Variants in RYR2 observed in about 807,000 individuals in gnomAD.
RYR2 encodes the protein ryanodine receptor 2.
In RYR2, 227 loss-of-function variants were observed where a neutral mutation model predicts 601.1. The ratio of observed to expected loss-of-function variants is 0.38; its 90% CI spans 0.34 to 0.42. RYR2 has a LOEUF of 0.42. Among genes scored for constraint, RYR2 ranks in the 10% least tolerant of loss-of-function variants. The pLI is 1.00. For synonymous variants in RYR2, 2,223 were observed against 2,175.1 expected (o/e 1.02, Z -0.61); for missense variants, 4,646 against 6,156.5 (o/e 0.75, Z 8.21).
intron 92 of RYR2, among the ~76,000 whole-genome samples, chr1:237,789,873 C>G (rs1349054102): frequency 6.6e-6 from 1 of 152,202 alleles, no homozygotes; most frequent in Non-Finnish European, 1.5e-5. Flanking sequence ...GCTAACTCAG[C>G]CTCTGTGACC....
At chr1:237,505,950 T>C (rs1665177488) in intron 22 of RYR2, among the ~76,000 whole-genome samples, 3 of 152,054 alleles carry the variant, frequency 2.0e-5, no homozygotes, top group African/African-American at 7.2e-5. Context: ...CAGAGTAGAG[T>C]GTAGGGGAAG....
At chr1:237,362,439 A>T (rs12754661) in intron 4 of RYR2, among the ~76,000 whole-genome samples, 1 of 152,138 alleles carries the variant, frequency 6.6e-6, no homozygotes, top group Admixed American at 6.6e-5. Flanking sequence ...CCACACCCAA[A>T]GAGGCTGCTT....
In RYR2 at chr1:237,791,751, G is replaced by A. The variant is rs1658398156; in HGVS notation, c.13563+236G>A. On this transcript the variant is annotated intron_variant, in intron 93 of 104. Transcript: ENST00000366574. ...TGATTTAGCAGAGGGCTTCCCCACA[G>A]TATTCCCAGCCTAATTTAGCTGAAT... 5.3e-6 allele frequency: 3 copies of A among 566,980 alleles called. No homozygotes were observed. In the Admixed American group the frequency reaches 9.8e-5, roughly 19 times the overall value. 35.1% of individuals were successfully genotyped at this position (566,980 alleles called of 1,614,324 possible).
At chr1:237,117,650 TTTCTC>T (rs1572693704) in intron 1 of RYR2, among the ~76,000 whole-genome samples, 1 of 151,046 alleles carries the variant, frequency 6.6e-6, no homozygotes, top group Non-Finnish European at 1.5e-5. Context: ...TCTCTTCTCT[TTTCTC>T]CTCTTCTCTT....
intron 8 of RYR2, among the ~76,000 whole-genome samples, chr1:237,382,958 G>A (rs1249197461): frequency 6.7e-6 from 1 of 148,394 alleles, no homozygotes; most frequent in East Asian, 2.0e-4. Context: ...GAGGAGTAAT[G>A]TGACTTGTTT....
At chr1:237,301,698 A>T (rs1175384697) in intron 2 of RYR2, among the ~76,000 whole-genome samples, 1 of 152,200 alleles carries the variant, frequency 6.6e-6, no homozygotes, top group Non-Finnish European at 1.5e-5. Flanking sequence ...AAGCAATCTA[A>T]TAATGACTTT....
chr1:237,193,100 A>G (rs973259981), intron 1 of RYR2, among the ~76,000 whole-genome samples: 2 of 144,550 alleles, frequency 1.4e-5, no homozygotes, highest in African/African-American at 5.1e-5. Context: ...AGGTGGGCGG[A>G]TCACGAGGTC....
intron 1 of RYR2, among the ~76,000 whole-genome samples, chr1:237,114,385 C>A (rs888176366): frequency 1.3e-5 from 2 of 152,130 alleles, no homozygotes; most frequent in African/African-American, 4.8e-5. Flanking sequence ...GACATTGTGT[C>A]ACATTAAGGC....
At position 237,347,994 on chromosome 1, in the gene RYR2, T is replaced by A. The variant is rs61832490; in HGVS notation, c.274-7971T>A. Among the ~76,000 whole-genome samples, 528 of 152,292 alleles carry A rather than the reference T, an allele frequency of 3.5e-3. 5 individuals carry two copies. Among genetic ancestry groups the A allele is most frequent in the Non-Finnish European group, 5.5e-3 (372 of 68,032 alleles). On this transcript the variant is annotated intron_variant, in intron 3 of 104. Transcript: ENST00000366574. ...TTTGGGGCATTTGCTGAGTATTCAT[T>A]TGGGCAGAGATTAAGGCAGAGGAGC...
intron 2 of RYR2, among the ~76,000 whole-genome samples, chr1:237,317,585 G>A (rs1695233235): frequency 6.6e-6 from 1 of 152,042 alleles, no homozygotes; most frequent in South Asian, 2.1e-4. Context: ...TTTTTGGTGG[G>A]TTACTTGGTG....
At chr1:237,741,660 G>A (rs1322856200) in intron 79 of RYR2, among the ~76,000 whole-genome samples, 3 of 152,068 alleles carry the variant, frequency 2.0e-5, no homozygotes, top group Admixed American at 1.3e-4. Flanking sequence ...GGAATGCAAT[G>A]GCACAATCTT....
intron 56 of RYR2, among the ~76,000 whole-genome samples, chr1:237,662,648 CCTCTTT>C (rs1353164546): frequency 1.3e-5 from 2 of 152,122 alleles, no homozygotes; most frequent in Non-Finnish European, 2.9e-5. Flanking sequence ...TTATATCACT[CCTCTTT>C]CTCTTTCTCC....
At chr1:237,218,489 A>T (rs1307407208) in intron 1 of RYR2, among the ~76,000 whole-genome samples, 1 of 152,116 alleles carries the variant, frequency 6.6e-6, no homozygotes, top group Non-Finnish European at 1.5e-5. Context: ...TGGACAACTG[A>T]CCCAAGATGC....
intron 2 of RYR2, among the ~76,000 whole-genome samples, chr1:237,317,511 C>T (rs2149513663): frequency 6.6e-6 from 1 of 152,186 alleles, no homozygotes; most frequent in African/African-American, 2.4e-5. Flanking sequence ...TATAGGATAG[C>T]TGATTTTTAT....
intron 1 of RYR2, among the ~76,000 whole-genome samples, chr1:237,201,991 A>G (rs1681246210): frequency 6.6e-6 from 1 of 152,250 alleles, no homozygotes; most frequent in South Asian, 2.1e-4. Flanking sequence ...AGAGAAAGGC[A>G]GCTCTAGATA....
At chr1:237,047,143 A>G (rs995124605) in intron 1 of RYR2, among the ~76,000 whole-genome samples, 6 of 152,228 alleles carry the variant, frequency 3.9e-5, no homozygotes, top group African/African-American at 1.4e-4. Flanking sequence ...TGGAGAGTAT[A>G]TGAAAATCTG....
chr1:237,361,081 A>T (rs184119617), intron 4 of RYR2, among the ~76,000 whole-genome samples: 1 of 152,232 alleles, frequency 6.6e-6, no homozygotes, highest in Non-Finnish European at 1.5e-5. Flanking sequence ...GCTCAAGCAG[A>T]TACTCCTGCC....
intron 1 of RYR2, among the ~76,000 whole-genome samples, chr1:237,196,479 A>T (rs1452271255): frequency 1.3e-5 from 2 of 152,118 alleles, no homozygotes; most frequent in Non-Finnish European, 2.9e-5. Flanking sequence ...TTTACTTTTC[A>T]TAATTGCTTA....
Position 237,478,012 on chromosome 1 carries a change from G to A in RYR2, c.1708+8825G>A, listed in dbSNP as rs1409372520. On this transcript the variant is annotated intron_variant, in intron 17 of 104. Transcript: ENST00000366574. ...GCACCCATGAAAGGTACCTGCTCTG[G>A]AGAGAGGTGACCAGGATGAGGTCTC... Among the ~76,000 whole-genome samples the A allele has an allele frequency of 4.6e-5, 7 of 152,158 alleles. No homozygotes were observed. The East Asian group carries it at 1.2e-3, about 25-fold the overall frequency.
Sources: allele counts gnomAD v4.1 joint callset (sites outside exome capture counted in the v4.1 genomes callset), GRCh38; gene constraint gnomAD v4.1.1; transcripts MANE v1.5; gene names NCBI Gene and HGNC (gene_info 2026-07-23, HGNC 2026-07-21).